Variants in PRSS12 observed in about 807,000 individuals in gnomAD.
PRSS12 encodes neurotrypsin.
In PRSS12, 85 loss-of-function variants were observed where a neutral mutation model predicts 104.4. That is an observed-to-expected ratio of 0.81 (90% CI 0.68 to 0.98). PRSS12 has a LOEUF of 0.98. Ranked by LOEUF, PRSS12 falls within the 50% of genes least tolerant of loss-of-function variation. PRSS12 has a pLI of 0.00. For missense variants in PRSS12, 1,141 were observed against 1,139.2 expected (o/e 1.00, Z -0.02); for synonymous variants, 454 against 425.2 (o/e 1.07, Z -0.83).
chr4:118,335,943 A>T (rs1184314128), intron 2 of PRSS12, among the ~76,000 whole-genome samples: 1 of 152,216 alleles, frequency 6.6e-6, no homozygotes, highest in Non-Finnish European at 1.5e-5. Context: ...CTGCAGACAT[A>T]AAAAGTAAGG....
chr4:118,328,067 C>G (rs1044825023), intron 4 of PRSS12, among the ~76,000 whole-genome samples: 14 of 152,132 alleles, frequency 9.2e-5, no homozygotes, highest in African/African-American at 3.1e-4. Flanking sequence ...AGACAAGCAA[C>G]AATTATGTGT....
intron 8 of PRSS12, among the ~76,000 whole-genome samples, chr4:118,300,887 G>A (rs919226814): frequency 6.6e-6 from 1 of 151,886 alleles, no homozygotes; most frequent in Non-Finnish European, 1.5e-5. Flanking sequence ...TCAAACTTTG[G>A]CAAAGAAAAC....
rs527364453 is a variant in PRSS12, at chr4:118,296,555, G to A, written c.1838-699C>T. Among the ~76,000 whole-genome samples the A allele has an allele frequency of 3.3e-5, 5 of 152,278 alleles. No individual in the cohort carries two copies. The East Asian group carries it at 9.6e-4, about 29-fold the overall frequency. On this transcript the variant is annotated intron_variant, in intron 9 of 12. Coordinates refer to ENST00000296498, the MANE Select transcript of PRSS12 (RefSeq NM_003619.4). ...TTTTAAAATATTTGAGAAAACAGGA[G>A]AATTTATATAGAGGTACTTTGTTTC...
rs777090965 is a variant in PRSS12, at chr4:118,352,279, A to G, written c.442T>C (p.Trp148Arg). 37 of 1,609,952 alleles carry G rather than the reference A, an allele frequency of 2.3e-5. No homozygotes were observed. Among genetic ancestry groups the G allele is most frequent in the Non-Finnish European group, 3.1e-5 (37 of 1,179,196 alleles). Residue 148 changes from tryptophan to arginine, a missense_variant, in exon 1 of 13, where the codon TGG (tryptophan) becomes CGG (arginine). Trp to Arg is a moderately radical substitution (Grantham distance 101). Transcript: ENST00000296498. The stretch of plus-strand genomic sequence containing the variant: ...CCACGGGCGTCTCCGTAGAAACACC[A>G]GGGTCTGCCCGCGCCGTCGGGGCTC... ...CRSPDGAGRP[W>R]CFYGDARGKV...
At chr4:118,350,248 A>G (rs1326316651) in intron 1 of PRSS12, among the ~76,000 whole-genome samples, 4 of 152,218 alleles carry the variant, frequency 2.6e-5, no homozygotes, top group Non-Finnish European at 1.5e-5. Flanking sequence ...GTGCACAGCT[A>G]CTGGCAGAGC....
chr4:118,294,870 A>C (rs1743216611), intron 11 of PRSS12, 69 bp downstream of exon 11: 3 of 1,598,378 alleles, frequency 1.9e-6, no homozygotes, highest in Non-Finnish European at 2.6e-6. Context: ...AGTGCTGTAG[A>C]GCATGAGGGG....
chr4:118,352,367 G>C lies in PRSS12; in HGVS notation c.354C>G (p.Phe118Leu). The change falls in exon 1 of 13, where the codon TTC (phenylalanine) becomes TTG (leucine). Residue 118 changes from phenylalanine to leucine, a missense_variant. Phe to Leu is a conservative substitution (Grantham distance 22). Transcript: ENST00000296498. The stretch of plus-strand genomic sequence containing the variant: ...AGCTCGCTGGGGGCGACCGCTCCAG[G>C]AAGGGTGGCACCTCCGCCCACCGCA... ...PCLRWAEVPP[F>L]LERSPPASWA... 1 of 1,562,796 alleles carries C rather than the reference G, an allele frequency of 6.4e-7. No individual in the cohort carries two copies. Among genetic ancestry groups the C allele is most frequent in the Non-Finnish European group, 8.6e-7 (1 of 1,160,076 alleles).
At position 118,282,091 on chromosome 4, in the gene PRSS12, T is replaced by G; in HGVS notation, c.2473A>C (p.Ser825Arg). ...HKRVDSCQGDSGGPLMCERPG... is the reference protein window; with the variant it reads ...HKRVDSCQGDRGGPLMCERPG... ...CGTTCACACATGAGTGGTCCTCCGC[T>G]GTCTCCCTGGCAGCTGTCCACGCGT... Residue 825 changes from serine (S) to arginine (R), a missense_variant, in exon 13 of 13, where the codon AGC becomes CGC. Ser to Arg is a moderately radical substitution (Grantham distance 110). Coordinates refer to ENST00000296498, the MANE Select transcript of PRSS12 (RefSeq NM_003619.4). 1.2e-6 allele frequency: 2 copies of G among 1,614,238 alleles called. No individual in the cohort carries two copies. The highest frequency in any genetic ancestry group is 1.7e-6 in the Non-Finnish European group (2 of 1,180,050).
chr4:118,297,251 T>C (rs981672143), intron 9 of PRSS12, among the ~76,000 whole-genome samples: 1 of 152,096 alleles, frequency 6.6e-6, no homozygotes, highest in Non-Finnish European at 1.5e-5. Context: ...TATGGTAGCA[T>C]TGCCATAACC....
chr4:118,334,197 A>G (rs1724005888), intron 3 of PRSS12, among the ~76,000 whole-genome samples: 1 of 152,148 alleles, frequency 6.6e-6, no homozygotes, highest in African/African-American at 2.4e-5. Context: ...ATTTATCATA[A>G]CTTTCTATAT....
chr4:118,301,600 T>G (rs745856135), intron 8 of PRSS12, among the ~76,000 whole-genome samples: 79 of 152,352 alleles, frequency 5.2e-4, no homozygotes, highest in Admixed American at 1.5e-3. Flanking sequence ...GTCTTCACAT[T>G]CAGGATTGCG....
chr4:118,323,291 G>A (rs1444549465), intron 4 of PRSS12, among the ~76,000 whole-genome samples: 1 of 151,974 alleles, frequency 6.6e-6, no homozygotes, highest in Non-Finnish European at 1.5e-5. Flanking sequence ...TTTGCCCTGA[G>A]ATAAATGCCA....
intron 8 of PRSS12, among the ~76,000 whole-genome samples, chr4:118,302,157 A>T (rs1054035204): frequency 6.6e-6 from 1 of 152,280 alleles, no homozygotes; most frequent in Admixed American, 6.5e-5. Flanking sequence ...TGACACACTG[A>T]ATTACATTAA....
chr4:118,351,517 C>T (rs1445593280), intron 1 of PRSS12, among the ~76,000 whole-genome samples: 1 of 152,128 alleles, frequency 6.6e-6, no homozygotes, highest in African/African-American at 2.4e-5. Flanking sequence ...CCTGATAAAA[C>T]ATATAAAGCT....
At chr4:118,283,232 A>G in intron 11 of PRSS12, 121 bp from the exon 12 acceptor site, 5 of 1,266,080 alleles carry the variant, frequency 3.9e-6, no homozygotes, top group Non-Finnish European at 5.7e-6. Context: ...TGTAAATTCA[A>G]CCTTTCTTTC....
chr4:118,322,077 C>T (rs542492260), intron 4 of PRSS12, among the ~76,000 whole-genome samples: 2 of 152,212 alleles, frequency 1.3e-5, no homozygotes, highest in South Asian at 2.1e-4. Context: ...TTTAAAAAGG[C>T]TGTTGTGCCA....
At chr4:118,336,048 C>G (rs1473895149) in intron 2 of PRSS12, among the ~76,000 whole-genome samples, 1 of 152,142 alleles carries the variant, frequency 6.6e-6, no homozygotes, top group Admixed American at 6.5e-5. Context: ...AACTCGAAGG[C>G]TTTGTCTTCT....
chr4:118,314,625 C>A (rs1204468077), intron 6 of PRSS12, among the ~76,000 whole-genome samples: 6 of 152,024 alleles, frequency 3.9e-5, no homozygotes, highest in Non-Finnish European at 4.4e-5. Context: ...AAAGAATATT[C>A]TTTTTCAAAA....
Position 118,352,769 on chromosome 4 carries a change from T to TGGAGCGGAGAAGAGGAGGGGGC in PRSS12, c.-71_-50dup. On this transcript the variant is annotated 5_prime_UTR_variant, in exon 1 of 13. Coordinates refer to ENST00000296498, the MANE Select transcript of PRSS12 (RefSeq NM_003619.4). ...TCCATGCTCCCCAGCTTCTCGGGCT[T>TGGAGCGGAGAAGAGGAGGGGGC]GGAGCGGAGAAGAGGAGGGGGCGGG... 1 of 1,595,548 alleles carries TGGAGCGGAGAAGAGGAGGGGGC rather than the reference T, an allele frequency of 6.3e-7. No individual in the cohort carries two copies. Among genetic ancestry groups the TGGAGCGGAGAAGAGGAGGGGGC allele is most frequent in the Non-Finnish European group, 8.5e-7 (1 of 1,171,920 alleles).
Sources: allele counts gnomAD v4.1 joint callset (sites outside exome capture counted in the v4.1 genomes callset), GRCh38; gene constraint gnomAD v4.1.1; transcripts MANE v1.5; gene names NCBI Gene and HGNC (gene_info 2026-07-23, HGNC 2026-07-21).